The following RUVBL1 variants were observed in gnomAD, a reference collection of about 807,000 sequenced individuals.
The protein encoded by RUVBL1 is ruvB-like 1.
Under a neutral mutation model 52.4 loss-of-function variants are expected in RUVBL1, and 4 were observed. The ratio of observed to expected loss-of-function variants is 0.08; its 90% CI spans 0.04 to 0.17. The LOEUF is 0.17. Among genes scored for constraint, RUVBL1 ranks in the 10% least tolerant of loss-of-function variants. The probability of loss-of-function intolerance (pLI) is 1.00; values close to 1 mark genes in which losing one functional copy is unlikely to be tolerated. For missense variants in RUVBL1, 298 were observed against 572.8 expected (o/e 0.52, Z 4.90); for synonymous variants, 217 against 214.4 (o/e 1.01, Z -0.10).
chr3:128,131,477 C>CA (rs1943874764), intron 1 of RUVBL1, among the ~76,000 whole-genome samples: 1 of 151,724 alleles, frequency 6.6e-6, no homozygotes, highest in South Asian at 2.1e-4. Context: ...GACTCCATCT[C>CA]AAAAAACAAA....
intron 1 of RUVBL1, among the ~76,000 whole-genome samples, chr3:128,150,873 T>TTCTATATATAATATA (rs1324042453): frequency 2.6e-5 from 2 of 76,648 alleles, no homozygotes; most frequent in African/African-American, 1.2e-4. Context: ...ATTATATATA[T>TTCTATATATAATATA]ATATTCTATA....
In RUVBL1 at chr3:128,131,071, A is replaced by C. The variant is rs138186837; in HGVS notation, c.-39-11657T>G. ...GAGTTTGAGGCTGTAGTGAGCTTTG[A>C]TCACACCACTGCACTTTAGCTTGGG... On this transcript the variant is annotated intron_variant, in intron 1 of 9. Transcript: ENST00000464873. 4.6e-3 allele frequency among the ~76,000 whole-genome samples: 703 copies of C among 151,976 alleles called. 4 individuals carry two copies. The highest frequency in any genetic ancestry group is 0.015 in the African/African-American group (620 of 41,424).
At chr3:128,074,959 T>C (rs570416867) in intron 9 of RUVBL1, 1 of 151,460 alleles carries the variant, frequency 6.6e-6, no homozygotes, top group Non-Finnish European at 1.5e-5. Flanking sequence ...CACTTTGAAA[T>C]GCACAGAAGA....
At chr3:128,120,940 C>T (rs1238238465) in intron 1 of RUVBL1, among the ~76,000 whole-genome samples, 2 of 150,194 alleles carry the variant, frequency 1.3e-5, no homozygotes, top group Admixed American at 1.3e-4. Context: ...GAGATGGCGC[C>T]ACTGCACTCC....
intron 1 of RUVBL1, among the ~76,000 whole-genome samples, chr3:128,143,326 C>G (rs1372365569): frequency 6.6e-6 from 1 of 152,094 alleles, no homozygotes; most frequent in Non-Finnish European, 1.5e-5. Context: ...GCATGGGCCA[C>G]TATGCCCAGC....
chr3:128,103,113 C>A (rs938276658), intron 4 of RUVBL1, among the ~76,000 whole-genome samples: 2 of 152,190 alleles, frequency 1.3e-5, no homozygotes, highest in African/African-American at 4.8e-5. Context: ...TCTAAAAATA[C>A]CTAAAAGTAT....
rs867186228 is a variant in RUVBL1 at position 128,064,999 on chromosome 3, G to A, written c.*213C>T. On this transcript the variant is annotated 3_prime_UTR_variant, in exon 10 of 10. Coordinates refer to the RUVBL1 transcript ENST00000464873. ...TCTTCCCAACCTCATGAATCTCATC[G>A]CCACCATCTTTGTCTTTGCAGTGGT... 4 of 1,614,072 alleles carry A rather than the reference G, an allele frequency of 2.5e-6. No individual in the cohort carries two copies. Among genetic ancestry groups the A allele is most frequent in the Admixed American group, 1.7e-5 (1 of 60,004 alleles).
In RUVBL1 at chr3:128,104,961, G is replaced by A. The variant is rs759492659; in HGVS notation, c.362-37C>T. ...GGCAGAGGGGCCATGGTGAGAAGCAGAATCTTTTCTCTCACACTGAGAGCC... is the reference window on the plus strand; with the variant it reads ...GGCAGAGGGGCCATGGTGAGAAGCAAAATCTTTTCTCTCACACTGAGAGCC... On this transcript the variant is annotated intron_variant, in intron 3 of 10. Coordinates refer to ENST00000322623, the MANE Select transcript of RUVBL1 (RefSeq NM_003707.3). 1.9e-6 allele frequency: 3 copies of A among 1,577,044 alleles called. No homozygotes were observed. The African/African-American group carries it at 4.0e-5, about 21-fold the overall frequency.
downstream of RUVBL1, among the ~76,000 whole-genome samples, chr3:128,076,833 T>A (rs1425382371): frequency 6.6e-6 from 1 of 151,882 alleles, no homozygotes; most frequent in Non-Finnish European, 1.5e-5. This position sits in a 1 kb window ranked among gnomAD's most constrained non-coding sequence, Gnocchi z 6.8. Context: ...GTGTGCGGCG[T>A]CCCAGCCCGC....
chr3:128,080,210 C>G (rs1224314175), downstream of RUVBL1, among the ~76,000 whole-genome samples: 1 of 152,246 alleles, frequency 6.6e-6, no homozygotes, highest in Non-Finnish European at 1.5e-5. Flanking sequence ...AGAGCTCTCA[C>G]TGGCCAAAGC....
intron 1 of RUVBL1, 71 bp downstream of exon 1, chr3:128,123,513 C>T: frequency 1.4e-6 from 2 of 1,446,574 alleles, no homozygotes; most frequent in Non-Finnish European, 1.8e-6. Context: ...CCCCGAGCCA[C>T]CGACTTCAGC....
intron 3 of RUVBL1, among the ~76,000 whole-genome samples, chr3:128,107,306 T>G (rs949913293): frequency 6.6e-6 from 1 of 152,220 alleles, no homozygotes; most frequent in Non-Finnish European, 1.5e-5. Context: ...GATTCCAAAG[T>G]GCAGACACAG....
At chr3:128,117,715 C>A (rs544116379) in intron 2 of RUVBL1, among the ~76,000 whole-genome samples, 6 of 151,580 alleles carry the variant, frequency 4.0e-5, no homozygotes, top group African/African-American at 1.5e-4. Flanking sequence ...CAGGTTCAAG[C>A]GATTCTCCTA....
At chr3:128,097,112 G>A (rs1260932915) in intron 8 of RUVBL1, among the ~76,000 whole-genome samples, 188 bp downstream of exon 8, 1 of 152,160 alleles carries the variant, frequency 6.6e-6, no homozygotes, top group Non-Finnish European at 1.5e-5. Context: ...TGAGTGACAG[G>A]ACAGCTGCTG....
At chr3:128,117,796 A>G (rs1943561331) in intron 2 of RUVBL1, among the ~76,000 whole-genome samples, 2 of 152,106 alleles carry the variant, frequency 1.3e-5, no homozygotes, top group South Asian at 4.1e-4. Flanking sequence ...AGCATTAAGC[A>G]TGATAAACAA....
intron 1 of RUVBL1, among the ~76,000 whole-genome samples, chr3:128,121,387 C>CG (rs1333566813): frequency 6.6e-6 from 1 of 151,464 alleles, no homozygotes; most frequent in Non-Finnish European, 1.5e-5. Flanking sequence ...TGAGCCACTA[C>CG]GCCCGGCCCA....
At position 128,082,113 on chromosome 3, in the gene RUVBL1, A is replaced by G; in HGVS notation, c.1211+370T>C. On this transcript the variant is annotated intron_variant, in intron 10 of 10. Coordinates refer to ENST00000322623, the MANE Select transcript of RUVBL1 (RefSeq NM_003707.3). This position sits in a 1 kb window ranked among gnomAD's most constrained non-coding sequence, Gnocchi z 4.7. The stretch of plus-strand genomic sequence containing the variant: ...AATAAATCAAAAAAGTTAAAGATTT[A>G]CCAGGCCTCATAACACCACCGGGAG... 5.3e-6 allele frequency: 1 copy of G among 187,932 alleles called. No individual in the cohort carries two copies. Among genetic ancestry groups the G allele is most frequent in the East Asian group, 1.5e-4 (1 of 6,546 alleles). The allele number at this position is 187,932 out of a possible 1,614,324, so 11.6% of individuals were successfully genotyped here.
intron 1 of RUVBL1, among the ~76,000 whole-genome samples, chr3:128,133,140 G>A (rs534578626): frequency 6.6e-6 from 1 of 152,310 alleles, no homozygotes; most frequent in East Asian, 1.9e-4. Flanking sequence ...TGTGACCACA[G>A]GGAGAGTTCT....
rs76431722 is a variant in RUVBL1, at chr3:128,153,586, C to G, written c.-423G>C. The stretch of plus-strand genomic sequence containing the variant: ...CGGCAAGACGGCGCTGGCGCGGGCG[C>G]TAAGCACCACAGCCTCCACCGCCGC... On this transcript the variant is annotated 5_prime_UTR_variant, in exon 1 of 10. Transcript: ENST00000464873. 2.5e-4 allele frequency: 387 copies of G among 1,572,028 alleles called. 2 individuals carry two copies. The African/African-American group carries it at 5.2e-3, about 21-fold the overall frequency.
Sources: allele counts gnomAD v4.1 joint callset (sites outside exome capture counted in the v4.1 genomes callset), GRCh38; gene constraint gnomAD v4.1.1; non-coding constraint Gnocchi (gnomAD v3.1); transcripts MANE v1.5; gene names NCBI Gene and HGNC (gene_info 2026-07-23, HGNC 2026-07-21).